HS3ST5: variants seen among roughly 807,000 people sequenced by gnomAD.
HS3ST5 encodes heparan sulfate glucosamine 3-O-sulfotransferase 5.
In HS3ST5, 10 loss-of-function variants were observed where a neutral mutation model predicts 25.4. The observed-to-expected ratio is 0.39, with a 90% CI of 0.24 to 0.67. The LOEUF is 0.67. HS3ST5 is among the 30% of genes least tolerant of loss of function. The pLI, the probability that HS3ST5 is intolerant of heterozygous loss-of-function variation, is 0.44. For synonymous variants in HS3ST5, 170 were observed against 162.4 expected, an observed-to-expected ratio of 1.05 and a Z score of -0.36; for missense variants, 324 against 420.7, an observed-to-expected ratio of 0.77 and a Z score of 2.01.
chr6:114,079,399 A>C (rs1411052032), intron 3 of HS3ST5, among the ~76,000 whole-genome samples: 1 of 152,156 alleles, frequency 6.6e-6, no homozygotes, highest in Non-Finnish European at 1.5e-5. Flanking sequence ...CCAGGAGTAA[A>C]TTCCATTTCA....
intron 3 of HS3ST5, among the ~76,000 whole-genome samples, chr6:114,164,720 T>C (rs1386215396): frequency 6.6e-6 from 1 of 152,152 alleles, no homozygotes; most frequent in Non-Finnish European, 1.5e-5. Context: ...AACAAAAGAA[T>C]AGAAAGAAAT....
intron 2 of HS3ST5, among the ~76,000 whole-genome samples, chr6:114,226,598 A>C (rs1178274636): frequency 6.6e-6 from 1 of 151,956 alleles, no homozygotes; most frequent in Non-Finnish European, 1.5e-5. Flanking sequence ...ATGTGATTAT[A>C]CATGAGGGGA....
At chr6:114,340,961 C>A (rs1776804986) in intron 1 of HS3ST5, among the ~76,000 whole-genome samples, 1 of 151,574 alleles carries the variant, frequency 6.6e-6, no homozygotes. Context: ...CACCCACCCA[C>A]TTTCGCCCCC....
intron 3 of HS3ST5, among the ~76,000 whole-genome samples, chr6:114,111,382 C>A (rs1455643619): frequency 6.6e-6 from 1 of 152,174 alleles, no homozygotes; most frequent in Non-Finnish European, 1.5e-5. Flanking sequence ...CCCTAGGTGC[C>A]ATAAAGACAT....
At chr6:114,139,583 CCTGT>C (rs1777805791) in intron 3 of HS3ST5, among the ~76,000 whole-genome samples, 1 of 151,612 alleles carries the variant, frequency 6.6e-6, no homozygotes, top group Non-Finnish European at 1.5e-5. Flanking sequence ...CAACAAGATT[CCTGT>C]CTATCTATTT....
At chr6:114,081,953 T>A (rs1355932659) in intron 3 of HS3ST5, among the ~76,000 whole-genome samples, 1 of 152,138 alleles carries the variant, frequency 6.6e-6, no homozygotes, top group Non-Finnish European at 1.5e-5. Flanking sequence ...ATAATTAACT[T>A]TACATTTACG....
intron 1 of HS3ST5, among the ~76,000 whole-genome samples, chr6:114,244,802 T>G (rs1324853184): frequency 1.3e-5 from 2 of 152,170 alleles, no homozygotes; most frequent in Non-Finnish European, 2.9e-5. Flanking sequence ...GCTGGGAAAC[T>G]CGGCCAATAA....
In HS3ST5 at chr6:114,282,816, T is replaced by C. The variant is rs547283843; in HGVS notation, c.-338-54038A>G. ...CTAGACAACAATAAATCATGGATTT[T>C]AGTGTAGCTAATTTCTTACAGAAAG... On this transcript the variant is annotated intron_variant, in intron 1 of 4. Coordinates refer to ENST00000312719, the MANE Select transcript of HS3ST5 (RefSeq NM_153612.4). 1.1e-4 allele frequency among the ~76,000 whole-genome samples: 17 copies of C among 152,186 alleles called. No individual in the cohort carries two copies. In the South Asian group the frequency reaches 3.1e-3, roughly 28 times the overall value.
chr6:114,174,059 G>C (rs1202183580), intron 2 of HS3ST5, among the ~76,000 whole-genome samples: 2 of 151,818 alleles, frequency 1.3e-5, no homozygotes, highest in Non-Finnish European at 2.9e-5. Flanking sequence ...TTGCGTGACT[G>C]GGGTCCTAAT....
chr6:114,088,498 A>G lies in HS3ST5; in HGVS notation c.-32-25621T>C, dbSNP rs190008488. Among the ~76,000 whole-genome samples, 7 of 151,986 alleles carry G rather than the reference A, an allele frequency of 4.6e-5. No homozygotes were observed. In the East Asian group the frequency reaches 1.4e-3, roughly 29 times the overall value. On this transcript the variant is annotated intron_variant, in intron 3 of 4. Transcript: ENST00000312719. ...AAACCTCCTCTGATCCCACTAATGG[A>G]AAGGGATTTCTTCTAAAGGAAGGAT... is the stretch of plus-strand genomic sequence containing the variant.
intron 3 of HS3ST5, among the ~76,000 whole-genome samples, chr6:114,139,503 A>C (rs1044129375): frequency 3.9e-5 from 6 of 152,206 alleles, no homozygotes; most frequent in African/African-American, 1.4e-4. Flanking sequence ...CTATATGAAT[A>C]GCGCTGGAAA....
chr6:114,193,604 A>G (rs899257986), intron 2 of HS3ST5, among the ~76,000 whole-genome samples: 2 of 152,176 alleles, frequency 1.3e-5, no homozygotes, highest in Admixed American at 6.6e-5. Flanking sequence ...TTCCTTATCT[A>G]TATAATAGGA....
chr6:114,330,403 G>A (rs1160699066), intron 1 of HS3ST5, among the ~76,000 whole-genome samples: 4 of 152,144 alleles, frequency 2.6e-5, no homozygotes, highest in Non-Finnish European at 5.9e-5. Context: ...CTGAATGTAG[G>A]AGCAATGATT....
chr6:114,131,914 C>A (rs73767009), intron 3 of HS3ST5, among the ~76,000 whole-genome samples: 1,620 of 152,286 alleles, frequency 0.011, 39 homozygotes, highest in African/African-American at 0.037. Context: ...GTGGTATATG[C>A]TTCCATTTGG....
intron 2 of HS3ST5, among the ~76,000 whole-genome samples, chr6:114,190,518 G>A (rs974456728): frequency 3.3e-5 from 5 of 152,086 alleles, no homozygotes; most frequent in Admixed American, 3.3e-4. Context: ...ATTTCACTGG[G>A]GGTTGGAAGG....
intron 3 of HS3ST5, among the ~76,000 whole-genome samples, chr6:114,136,657 T>A (rs568307325): frequency 6.6e-6 from 1 of 152,360 alleles, no homozygotes; most frequent in South Asian, 2.1e-4. Context: ...GCTACTTTAA[T>A]GTGCTGCTCT....
intron 1 of HS3ST5, among the ~76,000 whole-genome samples, chr6:114,262,300 C>A (rs1051317774): frequency 1.9e-4 from 29 of 152,318 alleles, no homozygotes; most frequent in African/African-American, 6.7e-4. Flanking sequence ...GCAATCCCAG[C>A]ACTTTGGGAG....
intron 2 of HS3ST5, among the ~76,000 whole-genome samples, chr6:114,210,522 C>T (rs536299571): frequency 9.9e-5 from 15 of 152,192 alleles, no homozygotes; most frequent in East Asian, 3.9e-4. Context: ...ACTATGAACG[C>T]AAAACTGATA....
At chr6:114,132,817 C>T (rs906553379) in intron 3 of HS3ST5, among the ~76,000 whole-genome samples, 11 of 152,222 alleles carry the variant, frequency 7.2e-5, no homozygotes, top group African/African-American at 2.4e-4. Flanking sequence ...TCCCATTCAC[C>T]ACCAGAAGCC....
Sources: gnomAD v4.1 joint callset for allele counts (sites outside exome capture counted in the v4.1 genomes callset) on GRCh38, gnomAD v4.1.1 for gene constraint, MANE v1.5 for transcripts, NCBI Gene and HGNC (gene_info 2026-07-23, HGNC 2026-07-21) for gene names.